The following NCOA2 variants were observed in gnomAD, a reference collection of about 807,000 sequenced individuals.
NCOA2 encodes the protein class E basic helix-loop-helix protein 75.
NCOA2 carries 21 observed loss-of-function variants against 145.1 expected under a neutral mutation model. The ratio of observed to expected loss-of-function variants is 0.14; its 90% CI spans 0.10 to 0.21. NCOA2 has a LOEUF of 0.21. NCOA2 is among the 10% of genes least tolerant of loss of function. NCOA2 has a pLI of 1.00. For missense variants in NCOA2, 1,472 were observed against 1,837.6 expected (o/e 0.80, Z 3.64); for synonymous variants, 619 against 637.5 (o/e 0.97, Z 0.44).
chr8:70,433,674 T>C, the NCOA2 span, among the ~76,000 whole-genome samples: 10 of 152,180 alleles, frequency 6.6e-5, no homozygotes, highest in African/African-American at 2.4e-4. Context: ...TTTAGTAATA[T>C]ATTTGACTAG....
At chr8:70,300,859 C>T (rs529345461) in intron 1 of NCOA2, among the ~76,000 whole-genome samples, 10 of 152,146 alleles carry the variant, frequency 6.6e-5, no homozygotes, top group Admixed American at 3.9e-4. Context: ...TCTGTGAGAG[C>T]ACTGAGTAGA....
intron 9 of NCOA2, 76 bp downstream of exon 9, chr8:70,162,635 G>A (rs1396149117): frequency 1.4e-6 from 2 of 1,458,392 alleles, no homozygotes; most frequent in Admixed American, 1.9e-5. Flanking sequence ...TGTTCCCAAG[G>A]TGAACTCCAG....
At chr8:70,208,967 T>G (rs982250090) in intron 4 of NCOA2, among the ~76,000 whole-genome samples, 1 of 152,242 alleles carries the variant, frequency 6.6e-6, no homozygotes, top group African/African-American at 2.4e-5. Context: ...TAAGGGTGTA[T>G]CTGCCACAGG....
At chr8:70,185,443 A>T (rs1815956173) in intron 4 of NCOA2, among the ~76,000 whole-genome samples, 1 of 152,228 alleles carries the variant, frequency 6.6e-6, no homozygotes, top group Admixed American at 6.5e-5. Flanking sequence ...TATACGCAGC[A>T]CCATGGCTCT....
At chr8:70,441,555 G>C in the NCOA2 span, among the ~76,000 whole-genome samples, 1 of 149,208 alleles carries the variant, frequency 6.7e-6, no homozygotes, top group African/African-American at 2.5e-5. Flanking sequence ...GAGAAAGAAA[G>C]AGGAAAGAGA....
At chr8:70,436,719 C>T in the NCOA2 span, among the ~76,000 whole-genome samples, 1 of 152,208 alleles carries the variant, frequency 6.6e-6, no homozygotes, top group Non-Finnish European at 1.5e-5. Flanking sequence ...CTATTCAAAA[C>T]ATGGATTGAT....
At chr8:70,321,395 A>T (rs1329811066) in intron 1 of NCOA2, among the ~76,000 whole-genome samples, 1 of 151,626 alleles carries the variant, frequency 6.6e-6, no homozygotes, top group Non-Finnish European at 1.5e-5. Flanking sequence ...CCTGAGCTCC[A>T]GCACTCCACC....
chr8:70,143,875 G>C (rs1056044088), intron 13 of NCOA2, among the ~76,000 whole-genome samples: 2 of 152,232 alleles, frequency 1.3e-5, no homozygotes, highest in Admixed American at 1.3e-4. Flanking sequence ...GAGCAGCTTT[G>C]CATTAGAAAA....
At chr8:70,203,925 A>C (rs1818177523) in intron 4 of NCOA2, among the ~76,000 whole-genome samples, 1 of 152,254 alleles carries the variant, frequency 6.6e-6, no homozygotes, top group Non-Finnish European at 1.5e-5. Flanking sequence ...TCTAGTCTAA[A>C]ACAATATGTC....
chr8:70,239,286 C>A (rs1045090206), intron 2 of NCOA2, among the ~76,000 whole-genome samples: 1 of 152,048 alleles, frequency 6.6e-6, no homozygotes, highest in Non-Finnish European at 1.5e-5. Context: ...TATATTTGAA[C>A]AATGGTTCAT....
intron 16 of NCOA2, among the ~76,000 whole-genome samples, chr8:70,131,357 C>T (rs1318394029): frequency 6.6e-6 from 1 of 152,218 alleles, no homozygotes; most frequent in Non-Finnish European, 1.5e-5. Flanking sequence ...GTTGCAGCTA[C>T]CTGTAAAATG....
intron 1 of NCOA2, among the ~76,000 whole-genome samples, chr8:70,302,408 T>C (rs1458046988): frequency 6.6e-6 from 1 of 152,154 alleles, no homozygotes; most frequent in Non-Finnish European, 1.5e-5. Flanking sequence ...AGCTCATGAT[T>C]TCTTTCTCTG....
chr8:70,185,045 G>A (rs1815905296), intron 4 of NCOA2, among the ~76,000 whole-genome samples: 1 of 152,020 alleles, frequency 6.6e-6, no homozygotes, highest in Non-Finnish European at 1.5e-5. Context: ...CTCCCATCTG[G>A]TTATCTTTTC....
At chr8:70,330,737 C>T (rs76809722) in intron 1 of NCOA2, among the ~76,000 whole-genome samples, 2,034 of 152,212 alleles carry the variant, frequency 0.013, 34 homozygotes, top group Non-Finnish European at 0.019. Flanking sequence ...CAAAAAGTAA[C>T]GTGCACAGTA....
chr8:70,292,983 T>G (rs891728163), intron 2 of NCOA2, among the ~76,000 whole-genome samples: 3 of 152,210 alleles, frequency 2.0e-5, no homozygotes, highest in Non-Finnish European at 4.4e-5. Context: ...GTCTACCCTG[T>G]GAGACCAGGA....
At chr8:70,176,870 C>T (rs1183362244) in intron 4 of NCOA2, among the ~76,000 whole-genome samples, 1 of 152,184 alleles carries the variant, frequency 6.6e-6, no homozygotes, top group African/African-American at 2.4e-5. Flanking sequence ...AGGGTGTGTA[C>T]CTCCCTTAAC....
intron 12 of NCOA2, 82 bp downstream of exon 12, chr8:70,148,191 T>C: frequency 7.4e-7 from 1 of 1,356,936 alleles, no homozygotes; most frequent in Non-Finnish European, 1.1e-6. Flanking sequence ...CTAAGCTGGT[T>C]GCATCAGACT....
intron 2 of NCOA2, among the ~76,000 whole-genome samples, chr8:70,280,050 T>A (rs916101968): frequency 1.3e-5 from 2 of 152,174 alleles, no homozygotes; most frequent in African/African-American, 4.8e-5. Flanking sequence ...CAAGAATCTA[T>A]CTTCTTGTGT....
intron 1 of NCOA2, among the ~76,000 whole-genome samples, chr8:70,315,840 G>A (rs1460774549): frequency 6.6e-6 from 1 of 152,192 alleles, no homozygotes; most frequent in African/African-American, 2.4e-5. Context: ...CACGGCTGGC[G>A]GCCCTGAGAG....
Sources: allele counts gnomAD v4.1 joint callset (sites outside exome capture counted in the v4.1 genomes callset), GRCh38; gene constraint gnomAD v4.1.1; transcripts MANE v1.5; gene names NCBI Gene and HGNC (gene_info 2026-07-23, HGNC 2026-07-21).